The following TCF12 variants were observed in gnomAD, a reference collection of about 807,000 sequenced individuals.
TCF12 encodes the protein DNA-binding protein HTF4.
In TCF12, 45 loss-of-function variants were observed where a neutral mutation model predicts 86.0. The observed-to-expected ratio is 0.52, with a 90% CI of 0.41 to 0.67. The LOEUF is 0.67. TCF12 is among the 30% of genes least tolerant of loss of function. The probability of loss-of-function intolerance (pLI) is 0.00; values close to 1 mark genes in which losing one functional copy is unlikely to be tolerated. For missense variants in TCF12, 881 were observed against 859.9 expected (o/e 1.02, Z -0.31); for synonymous variants, 330 against 299.6 (o/e 1.10, Z -1.05).
At chr15:57,055,998 AT>A (rs1194812394) in intron 3 of TCF12, among the ~76,000 whole-genome samples, 1 of 151,534 alleles carries the variant, frequency 6.6e-6, no homozygotes, top group Non-Finnish European at 1.5e-5. Context: ...CTTTTTATCA[AT>A]TGGATAATTT....
At chr15:57,273,735 A>ACACC (rs772046150) in intron 19 of TCF12, among the ~76,000 whole-genome samples, 60 of 152,098 alleles carry the variant, frequency 3.9e-4, no homozygotes, top group Non-Finnish European at 7.4e-4. Flanking sequence ...AGATACCTTT[A>ACACC]CACCCATGTC....
At chr15:57,266,427 A>G (rs1351299753) in intron 18 of TCF12, among the ~76,000 whole-genome samples, 1 of 152,150 alleles carries the variant, frequency 6.6e-6, no homozygotes, top group Non-Finnish European at 1.5e-5. Flanking sequence ...ACATTCATTT[A>G]TCCATTGTCT....
chr15:57,282,011 T>G (rs1005011810), intron 19 of TCF12, among the ~76,000 whole-genome samples: 5 of 152,060 alleles, frequency 3.3e-5, no homozygotes, highest in African/African-American at 1.2e-4. Context: ...TGAGGATATC[T>G]CTTACTTTAT....
At position 57,287,847 on chromosome 15, in the gene TCF12, C is replaced by CT. The variant is rs555163603; in HGVS notation, c.*1703dup. On this transcript the variant is annotated 3_prime_UTR_variant, in exon 21 of 21. Transcript: ENST00000333725. ...ATATATTCTCCAGTTACATCGGACT[C>CT]TATCTGTGGCCTTGTTCTTCATTTC... is the stretch of plus-strand genomic sequence containing the variant. 9.7e-4 allele frequency: 148 copies of CT among 152,774 alleles called. No individual in the cohort carries two copies. Among genetic ancestry groups the CT allele is most frequent in the African/African-American group, 3.5e-3 (146 of 41,580 alleles). The allele number at this position is 152,774 out of a possible 1,614,324, so 9.5% of individuals were successfully genotyped here.
chr15:57,262,548 T>C (rs762205329), intron 17 of TCF12, among the ~76,000 whole-genome samples: 4 of 152,208 alleles, frequency 2.6e-5, no homozygotes, highest in Non-Finnish European at 5.9e-5. Context: ...TATTTCTGAT[T>C]ATACTGAGAG....
intron 16 of TCF12, among the ~76,000 whole-genome samples, chr15:57,260,438 C>T (rs2060536965): frequency 2.0e-5 from 3 of 152,114 alleles, no homozygotes; most frequent in Non-Finnish European, 2.9e-5. Context: ...ACATGTATAA[C>T]ATACACTAAG....
Position 56,954,773 on chromosome 15 carries a change from C to T in TCF12, c.148+33675C>T, listed in dbSNP as rs573751181. 2.0e-5 allele frequency among the ~76,000 whole-genome samples: 3 copies of T among 152,336 alleles called. No homozygotes were observed. The South Asian group carries it at 6.2e-4, about 32-fold the overall frequency. ...AGTTGGCAAAGGATGTGAACAGACA[C>T]TTCTCAAAATAAGATATCTGTGCAG... is the stretch of plus-strand genomic sequence containing the variant. On this transcript the variant is annotated intron_variant, in intron 3 of 20. Transcript: ENST00000333725.
rs2061225247 is a variant in TCF12 at position 57,273,198 on chromosome 15, A to G, written c.1914A>G (p.Gln638=). The G allele has an allele frequency of 3.1e-6, 5 of 1,614,202 alleles. No homozygotes were observed. The highest frequency in any genetic ancestry group is 2.7e-5 in the African/African-American group (2 of 75,046). The change falls in exon 19 of 21, where the codon CAA becomes CAG. Residue 638 remains glutamine (Q), a synonymous_variant. Coordinates refer to ENST00000333725, the MANE Select transcript of TCF12 (RefSeq NM_207037.2). Reference sequence around the variant, plus strand: ...TTCACTTGAAGAGTGAAAAACCCCAAACAAAACTCCTTATTCTTCATCAAG... The same window carrying G: ...TTCACTTGAAGAGTGAAAAACCCCAGACAAAACTCCTTATTCTTCATCAAG... The part of the protein sequence containing the change: ...CQLHLKSEKP[Q]TKLLILHQAV...
chr15:57,082,212 C>T (rs2048357661), intron 4 of TCF12, among the ~76,000 whole-genome samples: 1 of 152,142 alleles, frequency 6.6e-6, no homozygotes, highest in African/African-American at 2.4e-5. Flanking sequence ...CCAAGATATG[C>T]AGTACTATTT....
chr15:56,976,323 C>T (rs771770160), intron 3 of TCF12, among the ~76,000 whole-genome samples: 2 of 147,002 alleles, frequency 1.4e-5, no homozygotes, highest in Non-Finnish European at 3.0e-5. Flanking sequence ...CTCTGACTTC[C>T]GGGTTCACGC....
chr15:57,249,507 G>A (rs60281225), intron 13 of TCF12, among the ~76,000 whole-genome samples: 339 of 151,826 alleles, frequency 2.2e-3, no homozygotes, highest in African/African-American at 7.9e-3. Context: ...GCATATAATT[G>A]TGAAATCTAA....
intron 5 of TCF12, among the ~76,000 whole-genome samples, chr15:57,146,878 G>T (rs1439190637): frequency 6.6e-6 from 1 of 151,986 alleles, no homozygotes; most frequent in East Asian, 1.9e-4. Flanking sequence ...TCTGCGGTGG[G>T]GAAAATCACT....
At chr15:56,945,732 G>A (rs1386249238) in intron 3 of TCF12, among the ~76,000 whole-genome samples, 1 of 152,138 alleles carries the variant, frequency 6.6e-6, no homozygotes, top group Non-Finnish European at 1.5e-5. Context: ...AGCTCACATT[G>A]AAATTTAATT....
chr15:57,141,865 T>G (rs1226364797), intron 5 of TCF12, among the ~76,000 whole-genome samples: 1 of 152,140 alleles, frequency 6.6e-6, no homozygotes, highest in Non-Finnish European at 1.5e-5. Flanking sequence ...ACAGGAAGAT[T>G]AGCTAGATTA....
intron 4 of TCF12, among the ~76,000 whole-genome samples, chr15:57,080,588 C>A (rs1386050484): frequency 1.3e-5 from 2 of 152,144 alleles, no homozygotes; most frequent in African/African-American, 4.8e-5. Context: ...AAGATTAGTG[C>A]CCCCTATCAT....
At chr15:57,191,300 C>CA (rs1440123922) in intron 6 of TCF12, among the ~76,000 whole-genome samples, 8 of 152,060 alleles carry the variant, frequency 5.3e-5, no homozygotes, top group African/African-American at 1.7e-4. Flanking sequence ...CCTATCTCTA[C>CA]AAAAAACTTA....
At chr15:57,272,418 A>T (rs2061185033) in intron 18 of TCF12, among the ~76,000 whole-genome samples, 1 of 152,206 alleles carries the variant, frequency 6.6e-6, no homozygotes. Flanking sequence ...TTATCTCTAG[A>T]ACAAAAAAAT....
intron 3 of TCF12, among the ~76,000 whole-genome samples, chr15:56,950,745 GTTTT>G (rs71113040): frequency 0.2 from 17,205 of 84,350 alleles, 3,450 homozygotes; most frequent in East Asian, 0.46. Context: ...TTATGACCAT[GTTTT>G]TTTTTTTTTT....
chr15:57,032,852 C>T (rs950095965), intron 3 of TCF12, among the ~76,000 whole-genome samples: 14 of 152,142 alleles, frequency 9.2e-5, no homozygotes, highest in Non-Finnish European at 7.4e-5. Flanking sequence ...CAATAACAGA[C>T]ACCAGTGACA....
Sources: gnomAD v4.1 joint callset for allele counts (sites outside exome capture counted in the v4.1 genomes callset) on GRCh38, gnomAD v4.1.1 for gene constraint, MANE v1.5 for transcripts, NCBI Gene and HGNC (gene_info 2026-07-23, HGNC 2026-07-21) for gene names.